SLC39A8: variants seen among roughly 807,000 people sequenced by gnomAD.
SLC39A8 encodes solute carrier family 39 member 8.
In SLC39A8, 15 loss-of-function variants were observed where a neutral mutation model predicts 40.4. That is an observed-to-expected ratio of 0.37 (90% CI 0.25 to 0.57). SLC39A8 has a LOEUF of 0.57. Ranked by LOEUF, SLC39A8 falls within the 20% of genes least tolerant of loss-of-function variation. The pLI, the probability that SLC39A8 is intolerant of heterozygous loss-of-function variation, is 0.75. For synonymous variants in SLC39A8, 223 were observed against 221.6 expected, an observed-to-expected ratio of 1.01 and a Z score of -0.06; for missense variants, 472 against 558.8, an observed-to-expected ratio of 0.84 and a Z score of 1.57.
intron 2 of SLC39A8, among the ~76,000 whole-genome samples, chr4:102,326,327 C>T (rs1022304288): frequency 1.3e-5 from 2 of 152,104 alleles, no homozygotes; most frequent in South Asian, 2.1e-4. Flanking sequence ...TTTGGGAGGC[C>T]GAGGCGGGCA....
intron 2 of SLC39A8, among the ~76,000 whole-genome samples, chr4:102,320,356 A>G (rs111205392): frequency 1.9e-3 from 240 of 125,252 alleles, no homozygotes; most frequent in African/African-American, 4.2e-3. Context: ...ATATGAGAAT[A>G]TATATATGAG....
intron 4 of SLC39A8, among the ~76,000 whole-genome samples, chr4:102,306,243 A>G (rs569075704): frequency 2.0e-5 from 3 of 152,014 alleles, no homozygotes; most frequent in Non-Finnish European, 4.4e-5. Context: ...TGTTTAATTT[A>G]CTTTGACCCA....
chr4:102,338,536 A>T (rs887310276), intron 2 of SLC39A8, among the ~76,000 whole-genome samples: 2 of 152,186 alleles, frequency 1.3e-5, no homozygotes, highest in East Asian at 3.8e-4. Context: ...ACAAGTCATC[A>T]TCATCGTAGC....
At position 102,263,161 on chromosome 4, in the gene SLC39A8, C is replaced by T; in HGVS notation, c.1266G>A (p.Lys422=). The part of the protein sequence containing the change: ...FPEMNDMLRE[K]VTGRKTDFTF... ...TGAAATCGGTTTTTCTTCCAGTTAC[C>T]TTTTCTCTCAGCATATCATTCATCT... The change falls in exon 9 of 9, where the codon AAG becomes AAA. Residue 422 remains lysine, a synonymous_variant. Transcript: ENST00000356736. The T allele has an allele frequency of 6.2e-7, 1 of 1,613,596 alleles. No homozygotes were observed. The highest frequency in any genetic ancestry group is 1.1e-5 in the South Asian group (1 of 91,034).
At chr4:102,312,444 C>T (rs1734473104) in intron 3 of SLC39A8, among the ~76,000 whole-genome samples, 1 of 152,108 alleles carries the variant, frequency 6.6e-6, no homozygotes, top group African/African-American at 2.4e-5. Context: ...AATTCTACCT[C>T]TCACACCCTG....
intron 6 of SLC39A8, among the ~76,000 whole-genome samples, chr4:102,297,833 C>T (rs886510882): frequency 2.0e-5 from 3 of 151,984 alleles, no homozygotes; most frequent in Non-Finnish European, 4.4e-5. Context: ...TGGGAGGATC[C>T]CTTGAGGCTA....
At chr4:102,278,688 A>G (rs945794722) in intron 6 of SLC39A8, among the ~76,000 whole-genome samples, 1 of 152,198 alleles carries the variant, frequency 6.6e-6, no homozygotes, top group African/African-American at 2.4e-5. Context: ...ACACATGCAC[A>G]TGTATGTTTA....
downstream of SLC39A8, among the ~76,000 whole-genome samples, chr4:102,258,507 G>T (rs1292021898): frequency 6.6e-6 from 1 of 152,078 alleles, no homozygotes; most frequent in African/African-American, 2.4e-5. Context: ...TATTGAAAAT[G>T]TCCAATCCAA....
At position 102,305,023 on chromosome 4, in the gene SLC39A8, C is replaced by G; in HGVS notation, c.641G>C (p.Arg214Thr). Residue 214 changes from arginine to threonine, a missense_variant, in exon 5 of 9, where the codon AGA becomes ACA. Coordinates refer to ENST00000356736, the MANE Select transcript of SLC39A8 (RefSeq NM_001135146.2). ...GGFYLLFFFERMLKMLLKTYG... is the reference protein window; with the variant it reads ...GGFYLLFFFETMLKMLLKTYG... Reference sequence around the variant, plus strand: ...TGTCTTTAATAACATCTTTAGCATTCTTTCAAAAAAGAAAAGTAGGTAAAA... The same window carrying G: ...TGTCTTTAATAACATCTTTAGCATTGTTTCAAAAAAGAAAAGTAGGTAAAA... The G allele has an allele frequency of 6.2e-7, 1 of 1,607,824 alleles. No homozygotes were observed. Among genetic ancestry groups the G allele is most frequent in the East Asian group, 2.2e-5 (1 of 44,662 alleles).
downstream of SLC39A8, among the ~76,000 whole-genome samples, chr4:102,261,160 A>G (rs1448295730): frequency 6.6e-6 from 1 of 152,142 alleles, no homozygotes; most frequent in African/African-American, 2.4e-5. Context: ...TATAGGGTTA[A>G]CCTCTTGTAC....
rs1259978562 is a variant in SLC39A8, at chr4:102,262,898, A to G, written c.*146T>C. ...AACAACAAATAATGGACTATTTCACAGACTGATGCCAATAATTAGTTTTCT... is the reference window on the plus strand; with the variant it reads ...AACAACAAATAATGGACTATTTCACGGACTGATGCCAATAATTAGTTTTCT... On this transcript the variant is annotated 3_prime_UTR_variant, in exon 9 of 9. Transcript: ENST00000356736. The G allele has an allele frequency of 7.1e-6, 10 of 1,403,310 alleles. No individual in the cohort carries two copies. Among genetic ancestry groups the G allele is most frequent in the Non-Finnish European group, 9.2e-6 (10 of 1,081,898 alleles). 86.9% of individuals were successfully genotyped at this position (1,403,310 alleles called of 1,614,324 possible).
At chr4:102,336,330 G>A (rs1281036449) in intron 2 of SLC39A8, among the ~76,000 whole-genome samples, 1 of 152,160 alleles carries the variant, frequency 6.6e-6, no homozygotes, top group Non-Finnish European at 1.5e-5. Flanking sequence ...TTTCCCAGGT[G>A]GTAAACAAGA....
chr4:102,281,260 T>G (rs1732856143), intron 6 of SLC39A8, among the ~76,000 whole-genome samples: 1 of 152,174 alleles, frequency 6.6e-6, no homozygotes, highest in Admixed American at 6.5e-5. Flanking sequence ...GCTAGGATCC[T>G]TAAAAGTAGT....
intron 6 of SLC39A8, among the ~76,000 whole-genome samples, chr4:102,287,790 T>C (rs1456068658): frequency 6.6e-6 from 1 of 152,120 alleles, no homozygotes. Context: ...CAGGAAGTAA[T>C]TTTGCTTTTT....
At chr4:102,334,413 A>G (rs1462008332) in intron 2 of SLC39A8, among the ~76,000 whole-genome samples, 2 of 152,224 alleles carry the variant, frequency 1.3e-5, no homozygotes, top group African/African-American at 4.8e-5. Flanking sequence ...TTCGAGTATC[A>G]AATGTTAATT....
rs762318976 is a variant in SLC39A8 at position 102,267,563 on chromosome 4, C to T, written c.1160G>A (p.Gly387Asp). Residue 387 changes from glycine (G) to aspartate (D), a missense_variant, in exon 8 of 9, where the codon GGC becomes GAC. By Grantham distance (94) the Gly-to-Asp change is moderately conservative. Coordinates refer to ENST00000356736, the MANE Select transcript of SLC39A8 (RefSeq NM_001135146.2). ...TATAATATTTGGAGCGAAATTGTTG[C>T]CCACCAAAATGCCAAAAGCTAGCCC... ...YVGLAFGILV[G>D]NNFAPNIIFA... The T allele has an allele frequency of 6.2e-7, 1 of 1,613,912 alleles. No homozygotes were observed. The highest frequency in any genetic ancestry group is 8.5e-7 in the Non-Finnish European group (1 of 1,179,948).
rs116469245 is a variant in SLC39A8, at chr4:102,253,328, A to G, written c.*401T>C. 3.3e-3 allele frequency: 2,184 copies of G among 668,388 alleles called. 36 individuals carry two copies. In the African/African-American group the frequency reaches 0.035, roughly 11 times the overall value. The allele number at this position is 668,388 out of a possible 1,614,324, so 41.4% of individuals were successfully genotyped here. On this transcript the variant is annotated 3_prime_UTR_variant and NMD_transcript_variant, in exon 12 of 12. Transcript: ENST00000424970. ...CACACAGCATCACGTCTCAATGGTC[A>G]TAACTATGTCATATGCCAACCTCTA...
At chr4:102,287,065 C>T (rs899484459) in intron 6 of SLC39A8, among the ~76,000 whole-genome samples, 1 of 151,982 alleles carries the variant, frequency 6.6e-6, no homozygotes, top group African/African-American at 2.4e-5. Context: ...GACTTAATAC[C>T]AAGTTCATAG....
chr4:102,305,246 C>T, intron 4 of SLC39A8, 135 bp from the exon 5 acceptor site: 3 of 915,784 alleles, frequency 3.3e-6, no homozygotes, highest in Non-Finnish European at 3.2e-6. Context: ...AACTTAGCTG[C>T]CAAAAATCAC....
Sources: gnomAD v4.1 joint callset for allele counts (sites outside exome capture counted in the v4.1 genomes callset) on GRCh38, gnomAD v4.1.1 for gene constraint, MANE v1.5 for transcripts, NCBI Gene and HGNC (gene_info 2026-07-23, HGNC 2026-07-21) for gene names.